Variants in CLVS1 observed in about 807,000 individuals in gnomAD.
CLVS1 encodes the protein clavesin-1.
Under a neutral mutation model 33.1 loss-of-function variants are expected in CLVS1, and 10 were observed. The observed-to-expected ratio is 0.30, with a 90% CI of 0.19 to 0.51. CLVS1 has a LOEUF of 0.51. Ranked by LOEUF, CLVS1 falls within the 20% of genes least tolerant of loss-of-function variation. The pLI is 0.97. For missense variants in CLVS1, 343 were observed against 433.4 expected, an observed-to-expected ratio of 0.79 and a Z score of 1.85; for synonymous variants, 163 against 166.1, an observed-to-expected ratio of 0.98 and a Z score of 0.14.
At chr8:61,102,286 T>G (rs1482742721) in intron 1 of CLVS1, among the ~76,000 whole-genome samples, 1 of 152,222 alleles carries the variant, frequency 6.6e-6, no homozygotes, top group Non-Finnish European at 1.5e-5. Flanking sequence ...CAACAATGTT[T>G]TATAGTTTTT....
chr8:61,158,256 C>T (rs1279363153), intron 2 of CLVS1, among the ~76,000 whole-genome samples: 1 of 152,054 alleles, frequency 6.6e-6, no homozygotes, highest in Non-Finnish European at 1.5e-5. Context: ...ATATAAGATT[C>T]GAAATGGGGC....
intron 2 of CLVS1, among the ~76,000 whole-genome samples, chr8:61,304,582 T>C (rs1363049811): frequency 6.6e-6 from 1 of 152,206 alleles, no homozygotes; most frequent in Non-Finnish European, 1.5e-5. Flanking sequence ...ACACTGCTGG[T>C]CGATGAGCCC....
intron 3 of CLVS1, among the ~76,000 whole-genome samples, chr8:61,393,253 G>T (rs1272316726): frequency 6.6e-6 from 1 of 151,966 alleles, no homozygotes; most frequent in Non-Finnish European, 1.5e-5. Context: ...TAGAAGTTGT[G>T]ATTGTCTTTT....
At chr8:61,464,537 G>A (rs1311046349) in intron 5 of CLVS1, 1 of 152,206 alleles carries the variant, frequency 6.6e-6, no homozygotes, top group Non-Finnish European at 1.5e-5. Flanking sequence ...CAAAGGAGGA[G>A]CAAGATGCTG....
intron 2 of CLVS1, among the ~76,000 whole-genome samples, chr8:61,221,780 T>C (rs1342801353): frequency 6.6e-6 from 1 of 152,212 alleles, no homozygotes. Flanking sequence ...TCTTTGTACC[T>C]CTGGTAGAAT....
chr8:61,471,474 G>T (rs1029365934), intron 5 of CLVS1, among the ~76,000 whole-genome samples: 1 of 152,152 alleles, frequency 6.6e-6, no homozygotes, highest in Non-Finnish European at 1.5e-5. Context: ...GAAAGGAGGG[G>T]CCTTGAGTTC....
intron 1 of CLVS1, among the ~76,000 whole-genome samples, chr8:61,295,127 C>T (rs1013621319): frequency 1.3e-5 from 2 of 152,148 alleles, no homozygotes; most frequent in Admixed American, 6.5e-5. Flanking sequence ...TTGGCCTTGC[C>T]GGAGAATGTT....
At chr8:61,417,473 A>T (rs1045477671) in intron 3 of CLVS1, among the ~76,000 whole-genome samples, 40 of 152,172 alleles carry the variant, frequency 2.6e-4, no homozygotes, top group African/African-American at 9.7e-4. Context: ...TTGAAGTGCC[A>T]AAGTTTTCTG....
intron 2 of CLVS1, among the ~76,000 whole-genome samples, chr8:61,327,126 C>G (rs1361621309): frequency 6.6e-6 from 1 of 152,022 alleles, no homozygotes; most frequent in Non-Finnish European, 1.5e-5. Flanking sequence ...GGAATGTAGA[C>G]AGCATGAGAG....
At chr8:61,154,045 C>T (rs1167575281) in intron 2 of CLVS1, among the ~76,000 whole-genome samples, 2 of 152,158 alleles carry the variant, frequency 1.3e-5, no homozygotes, top group African/African-American at 4.8e-5. Flanking sequence ...CCACTTTCTT[C>T]TTCCCCACAA....
intron 3 of CLVS1, among the ~76,000 whole-genome samples, chr8:61,409,434 A>G (rs1210762310): frequency 6.6e-6 from 1 of 152,194 alleles, no homozygotes; most frequent in East Asian, 1.9e-4. Context: ...TCAGCATAGT[A>G]TTTCAGAGAA....
chr8:61,320,876 TAAG>T (rs1341383968), intron 2 of CLVS1, among the ~76,000 whole-genome samples: 1 of 152,186 alleles, frequency 6.6e-6, no homozygotes, highest in Non-Finnish European at 1.5e-5. Context: ...TTGTGGAAGA[TAAG>T]AAGTATGATA....
At chr8:60,978,988 T>A in the CLVS1 span, among the ~76,000 whole-genome samples, 1 of 152,036 alleles carries the variant, frequency 6.6e-6, no homozygotes. Context: ...GTGAGAGGAG[T>A]CACCTACATA....
intron 2 of CLVS1, among the ~76,000 whole-genome samples, chr8:61,195,619 G>T (rs1258135207): frequency 6.6e-6 from 1 of 151,784 alleles, no homozygotes; most frequent in Non-Finnish European, 1.5e-5. Context: ...AAAAAAATTA[G>T]CTTTTCATTA....
intron 1 of CLVS1, among the ~76,000 whole-genome samples, chr8:61,126,413 G>A (rs778894090): frequency 2.1e-4 from 32 of 152,146 alleles, no homozygotes; most frequent in Non-Finnish European, 3.4e-4. Context: ...CCATTGCCTG[G>A]GTTAGCATCT....
rs551109459 is a variant in CLVS1, at chr8:61,281,665, A to G, written c.-151-18012A>G. ...ACACTAGTACAGAGAGTGCCCTTCC[A>G]TTTACTGGTTCATCTCTTTCTGTAT... On this transcript the variant is annotated intron_variant, in intron 2 of 2. Coordinates refer to the CLVS1 transcript ENST00000522621. Among the ~76,000 whole-genome samples the G allele has an allele frequency of 7.2e-5, 11 of 152,226 alleles. No individual in the cohort carries two copies. In the South Asian group the frequency reaches 1.2e-3, roughly 17 times the overall value.
At chr8:61,038,437 G>GTGTA in the CLVS1 span, among the ~76,000 whole-genome samples, 1 of 142,720 alleles carries the variant, frequency 7.0e-6, no homozygotes, top group Non-Finnish European at 1.5e-5. Flanking sequence ...CCTGTCGTTT[G>GTGTA]TATATATATA....
chr8:60,998,931 T>C, the CLVS1 span, among the ~76,000 whole-genome samples: 4 of 152,112 alleles, frequency 2.6e-5, no homozygotes, highest in South Asian at 2.1e-4. Flanking sequence ...ACAAAACACA[T>C]TGAGGATGAG....
chr8:61,354,491 A>C (rs1309183030), intron 2 of CLVS1, among the ~76,000 whole-genome samples: 1 of 152,112 alleles, frequency 6.6e-6, no homozygotes, highest in Non-Finnish European at 1.5e-5. Context: ...TTTATCTCAG[A>C]TAAATAAAAA....
Sources: gnomAD v4.1 joint callset for allele counts (sites outside exome capture counted in the v4.1 genomes callset) on GRCh38, gnomAD v4.1.1 for gene constraint, MANE v1.5 for transcripts, NCBI Gene and HGNC (gene_info 2026-07-23, HGNC 2026-07-21) for gene names.